Variants in GP6 observed in about 807,000 individuals in gnomAD.
The protein encoded by GP6 is glycoprotein VI platelet.
A neutral mutation model predicts 37.3 loss-of-function variants in GP6; 45 were observed. That is an observed-to-expected ratio of 1.21 (90% CI 0.95 to 1.55). The LOEUF (loss-of-function observed/expected upper bound fraction) is 1.55. Among genes scored for constraint, GP6 ranks in the 40% most tolerant of loss-of-function variants. GP6 has a pLI of 0.00. For synonymous variants in GP6, 340 were observed against 316.4 expected (o/e 1.07, Z -0.79); for missense variants, 813 against 760.2 (o/e 1.07, Z -0.82).
At chr19:55,020,019 T>C (rs2074020018) in intron 5 of GP6, among the ~76,000 whole-genome samples, 2 of 151,998 alleles carry the variant, frequency 1.3e-5, no homozygotes, top group Admixed American at 1.3e-4. Context: ...GCCACCAAAA[T>C]ATTCCTGAAC....
chr19:55,027,586 A>T lies in GP6; in HGVS notation c.602T>A (p.Val201Glu), dbSNP rs1568622042. 1.2e-6 allele frequency: 2 copies of T among 1,613,130 alleles called. No homozygotes were observed. The highest frequency in any genetic ancestry group is 1.7e-6 in the Non-Finnish European group (2 of 1,179,302). Residue 201 changes from valine (V) to glutamate (E), a missense_variant, in exon 4 of 8, where the codon GTG (valine) becomes GAG (glutamate). Coordinates refer to ENST00000310373, the MANE Select transcript of GP6 (RefSeq NM_001083899.2). ...GTCTGCACTACCCCTACCTGTGACC[A>T]CAAGCTCCAGGGGGTCGCTGGGGGC... is the stretch of plus-strand genomic sequence containing the variant.
intron 3 of GP6, among the ~76,000 whole-genome samples, chr19:55,029,355 TATATATATATATATA>T (rs2074461300): frequency 3.0e-4 from 1 of 3,286 alleles, no homozygotes; most frequent in Non-Finnish European, 5.3e-4. Flanking sequence ...TATATATATA[TATATATATATATATA>T]TATATTTTTT....
At chr19:55,024,318 A>ACGCATG (rs2074208975) in intron 5 of GP6, among the ~76,000 whole-genome samples, 2 of 124,046 alleles carry the variant, frequency 1.6e-5, no homozygotes, top group African/African-American at 7.4e-5. Context: ...ATATGCACGC[A>ACGCATG]CACACACATA....
intron 1 of GP6, among the ~76,000 whole-genome samples, chr19:55,035,182 G>A (rs961406970): frequency 3.9e-5 from 6 of 152,168 alleles, no homozygotes; most frequent in African/African-American, 1.4e-4. Context: ...ACAGCTGGCA[G>A]GAGTAGATTC....
In GP6 at chr19:55,014,497, C is replaced by A; in HGVS notation, c.1448G>T (p.Cys483Phe). The change falls in exon 8 of 8, where the codon TGT (cysteine) becomes TTT (phenylalanine). Residue 483 changes from cysteine to phenylalanine, a missense_variant. By Grantham distance (205) the Cys-to-Phe change is radical. Coordinates refer to ENST00000310373, the MANE Select transcript of GP6 (RefSeq NM_001083899.2). ...GTGAGAGTTTCTGGGGAAAACCAGA[C>A]AAGAGCACAGAGGGCCAAAGGGAAG... is the stretch of plus-strand genomic sequence containing the variant. 2 of 1,614,054 alleles carry A rather than the reference C, an allele frequency of 1.2e-6. No homozygotes were observed. The highest frequency in any genetic ancestry group is 1.7e-5 in the Admixed American group (1 of 60,006).
intron 5 of GP6, among the ~76,000 whole-genome samples, chr19:55,019,815 C>G (rs368393247): frequency 6.8e-6 from 1 of 146,646 alleles, no homozygotes; most frequent in Non-Finnish European, 1.5e-5. Context: ...GTAGCTGGGA[C>G]TACAGGCACC....
At chr19:55,034,122 A>G (rs1602636098) in intron 1 of GP6, among the ~76,000 whole-genome samples, 1 of 149,386 alleles carries the variant, frequency 6.7e-6, no homozygotes, top group Non-Finnish European at 1.5e-5. Flanking sequence ...ACACACGTGT[A>G]TATGTATGTA....
intron 5 of GP6, 146 bp downstream of exon 5, chr19:55,025,072 C>T: frequency 1.4e-6 from 1 of 702,780 alleles, no homozygotes; most frequent in Non-Finnish European, 2.6e-6. Flanking sequence ...ACCCTGTTTA[C>T]AGGCAGAAAT....
chr19:55,033,618 C>T (rs61361368), intron 1 of GP6, among the ~76,000 whole-genome samples: 34,348 of 152,144 alleles, frequency 0.23, 4,026 homozygotes, highest in African/African-American at 0.26. Context: ...ACATTGCTGT[C>T]CCTTCGTTTC....
chr19:55,021,828 C>CT (rs1474748200), intron 5 of GP6, among the ~76,000 whole-genome samples: 1 of 152,150 alleles, frequency 6.6e-6, no homozygotes, highest in Non-Finnish European at 1.5e-5. Context: ...CGTTTCTTGA[C>CT]TTTTTAATAA....
intron 5 of GP6, among the ~76,000 whole-genome samples, chr19:55,024,309 T>TGCACGCACGCACAC (rs1357661954): frequency 7.7e-6 from 1 of 129,950 alleles, no homozygotes; most frequent in African/African-American, 3.0e-5. Context: ...TGCACACACA[T>TGCACGCACGCACAC]ATGCACGCAC....
intron 5 of GP6, among the ~76,000 whole-genome samples, chr19:55,021,599 C>T (rs1268861324): frequency 2.8e-5 from 4 of 142,750 alleles, no homozygotes; most frequent in Middle Eastern, 4.5e-3. Flanking sequence ...TGGCTCACTG[C>T]AACCTCCGCC....
In GP6 at chr19:55,025,999, C is replaced by A. The variant is rs2365592; in HGVS notation, c.611-728G>T. The stretch of plus-strand genomic sequence containing the variant: ...CCTGGGTGACAAAGTGAGACTCCCC[C>A]CAAAAAAAAAAAAAAAAAAAAAAGC... On this transcript the variant is annotated intron_variant, in intron 4 of 7. Transcript: ENST00000310373. 1.1e-4 allele frequency among the ~76,000 whole-genome samples: 2 copies of A among 17,930 alleles called. 1 individual carries two copies. 11.8% of individuals were successfully genotyped at this position (17,930 alleles called of 152,430 possible).
chr19:55,032,631 G>A, intron 1 of GP6, 93 bp from the exon 2 acceptor site: 1 of 1,231,042 alleles, frequency 8.1e-7, no homozygotes, highest in Non-Finnish European at 1.2e-6. Flanking sequence ...GCATGCATAT[G>A]CTTTACTCTG....
intron 5 of GP6, 166 bp from the exon 6 acceptor site, chr19:55,018,877 G>A (rs2073971110): frequency 1.5e-6 from 1 of 686,862 alleles, no homozygotes; most frequent in Non-Finnish European, 2.7e-6. Flanking sequence ...TATCTTCCAT[G>A]ACCGGCTTAG....
At chr19:55,017,877 T>C (rs889971951) in intron 6 of GP6, among the ~76,000 whole-genome samples, 1 of 146,896 alleles carries the variant, frequency 6.8e-6, no homozygotes, top group Non-Finnish European at 1.5e-5. Context: ...AAGACCAGCC[T>C]TCCCAAGATG....
rs566107894 is a variant in GP6, at chr19:55,014,696, T to G, written c.1249A>C (p.Asn417His). The change falls in exon 8 of 8, where the codon AAT becomes CAT. Residue 417 changes from asparagine to histidine, a missense_variant. Coordinates refer to ENST00000310373, the MANE Select transcript of GP6 (RefSeq NM_001083899.2). ...GGAGGAGGATGGGGTCTCCACAGAT[T>G]CCTTCCATCCCAAATGGAGGGTGCC... 6 of 1,613,908 alleles carry G rather than the reference T, an allele frequency of 3.7e-6. No homozygotes were observed. In the African/African-American group the frequency reaches 8.0e-5, roughly 22 times the overall value.
At chr19:55,024,336 A>ACG (rs1555798915) in intron 5 of GP6, among the ~76,000 whole-genome samples, 3 of 54,632 alleles carry the variant, frequency 5.5e-5, no homozygotes, top group South Asian at 1.1e-3. Context: ...ATATGCACGC[A>ACG]CACACGCACA....
At chr19:55,028,102 C>T (rs1467721128) in intron 3 of GP6, among the ~76,000 whole-genome samples, 1 of 152,188 alleles carries the variant, frequency 6.6e-6, no homozygotes, top group Non-Finnish European at 1.5e-5. Context: ...GCCTGGTGGC[C>T]CTGGAGACAA....
Sources: gnomAD v4.1 joint callset for allele counts (sites outside exome capture counted in the v4.1 genomes callset) on GRCh38, gnomAD v4.1.1 for gene constraint, MANE v1.5 for transcripts, NCBI Gene and HGNC (gene_info 2026-07-23, HGNC 2026-07-21) for gene names.